Variants in CDH4 observed in about 807,000 individuals in gnomAD.
CDH4 encodes the protein cadherin-4.
CDH4 carries 33 observed loss-of-function variants against 86.0 expected under a neutral mutation model. That is an observed-to-expected ratio of 0.38 (90% CI 0.29 to 0.51). The LOEUF is 0.51. Among genes scored for constraint, CDH4 ranks in the 20% least tolerant of loss-of-function variants. The pLI, the probability that CDH4 is intolerant of heterozygous loss-of-function variation, is 0.86. For missense variants in CDH4, 1,114 were observed against 1,307.4 expected, an observed-to-expected ratio of 0.85 and a Z score of 2.28; for synonymous variants, 555 against 549.4, an observed-to-expected ratio of 1.01 and a Z score of -0.14.
At chr20:61,395,415 C>T (rs2085011216) in intron 2 of CDH4, among the ~76,000 whole-genome samples, 1 of 152,070 alleles carries the variant, frequency 6.6e-6, no homozygotes, top group Non-Finnish European at 1.5e-5. Flanking sequence ...ATATATATGG[C>T]ATTAATACGT....
Position 61,684,594 on chromosome 20 carries a change from G to GA in CDH4, c.170-58969_170-58968insA. Among the ~76,000 whole-genome samples the GA allele has an allele frequency of 6.6e-6, 1 of 152,202 alleles. No homozygotes were observed. The highest frequency in any genetic ancestry group is 2.1e-4 in the South Asian group (1 of 4,824). ...CTGGGCTCCGTCCTGGGGGCTGAAA[G>GA]GCTCCTGGGGGTTCAGTCTCTAACC... is the stretch of plus-strand genomic sequence containing the variant. On this transcript the variant is annotated intron_variant, in intron 2 of 15. Transcript: ENST00000614565. The surrounding 1 kb of genome is among the most constrained non-coding windows in gnomAD (Gnocchi z 4.5).
intron 2 of CDH4, among the ~76,000 whole-genome samples, chr20:61,489,885 G>C (rs1340809198): frequency 6.6e-6 from 1 of 152,182 alleles, no homozygotes; most frequent in East Asian, 1.9e-4. Context: ...ATTATTTGGG[G>C]ATGCTTCTGA....
chr20:61,746,618 T>A (rs2088417807), intron 3 of CDH4, among the ~76,000 whole-genome samples: 1 of 152,236 alleles, frequency 6.6e-6, no homozygotes, highest in Non-Finnish European at 1.5e-5. Flanking sequence ...ACGGCAAGGC[T>A]TCTGCGACTT....
intron 2 of CDH4, among the ~76,000 whole-genome samples, chr20:61,727,492 CT>C (rs2088130221): frequency 1.3e-5 from 2 of 152,148 alleles, no homozygotes; most frequent in African/African-American, 4.8e-5. Flanking sequence ...TATCCTTTAC[CT>C]TAGTCCACCT....
At chr20:61,627,617 G>A (rs373320145) in intron 2 of CDH4, among the ~76,000 whole-genome samples, 27 of 152,290 alleles carry the variant, frequency 1.8e-4, no homozygotes, top group African/African-American at 5.8e-4. Context: ...GGAAGCGGAC[G>A]GGCAGAGAGG....
intron 2 of CDH4, among the ~76,000 whole-genome samples, chr20:61,405,364 C>T (rs1600946945): frequency 6.6e-6 from 1 of 151,972 alleles, no homozygotes. Context: ...GGAAATCACT[C>T]ATCACCATGG....
intron 2 of CDH4, among the ~76,000 whole-genome samples, chr20:61,410,228 G>T (rs2085109853): frequency 6.6e-6 from 1 of 151,704 alleles, no homozygotes; most frequent in Non-Finnish European, 1.5e-5. Flanking sequence ...CTACCCATCT[G>T]CCCACCCATC....
chr20:61,756,353 C>T (rs1420884904), intron 3 of CDH4, among the ~76,000 whole-genome samples: 1 of 152,192 alleles, frequency 6.6e-6, no homozygotes, highest in Non-Finnish European at 1.5e-5. Context: ...AGGTGGGGCC[C>T]ACAGGCAGCT....
chr20:61,352,487 G>A (rs1193705578), intron 2 of CDH4, among the ~76,000 whole-genome samples: 3 of 152,208 alleles, frequency 2.0e-5, no homozygotes, highest in African/African-American at 7.2e-5. Context: ...GACTGCACTG[G>A]CCCCCGTGCC....
chr20:61,511,664 T>C (rs1237863300), intron 2 of CDH4, among the ~76,000 whole-genome samples: 1 of 152,196 alleles, frequency 6.6e-6, no homozygotes, highest in East Asian at 1.9e-4. Flanking sequence ...GTTTTCTAGA[T>C]GGAGAAAGAA....
rs1466980117 is a variant in CDH4 at position 61,673,280 on chromosome 20, G to A, written c.170-70283G>A. Reference sequence around the variant, plus strand: ...GCCCTAGGAGGCTCAGGACTTCGGAGCCCCTGAATCTCAGCGGCAGCTGCA... The same window carrying A: ...GCCCTAGGAGGCTCAGGACTTCGGAACCCCTGAATCTCAGCGGCAGCTGCA... On this transcript the variant is annotated intron_variant, in intron 2 of 15. Coordinates refer to ENST00000614565, the MANE Select transcript of CDH4 (RefSeq NM_001794.5). 3.9e-5 allele frequency among the ~76,000 whole-genome samples: 6 copies of A among 152,282 alleles called. No homozygotes were observed. The South Asian group carries it at 8.3e-4, about 21-fold the overall frequency.
chr20:61,672,184 TATGGATAATGG>T (rs1351942474), intron 2 of CDH4, among the ~76,000 whole-genome samples: 6 of 150,264 alleles, frequency 4.0e-5, no homozygotes, highest in Non-Finnish European at 8.9e-5. Flanking sequence ...TGGGTGGGTA[TATGGATAATGG>T]ATGGATGATG....
rs527598549 is a variant in CDH4 at position 61,686,704 on chromosome 20, C to T, written c.170-56859C>T. ...ATTTGTGTGTGCATGTGTGTATGTGCGTGTGCATTCCCGTGTGTGTGCCTT... is the reference window on the plus strand; with the variant it reads ...ATTTGTGTGTGCATGTGTGTATGTGTGTGTGCATTCCCGTGTGTGTGCCTT... On this transcript the variant is annotated intron_variant, in intron 2 of 15. Coordinates refer to ENST00000614565, the MANE Select transcript of CDH4 (RefSeq NM_001794.5). 1.2e-4 allele frequency among the ~76,000 whole-genome samples: 17 copies of T among 145,852 alleles called. No individual in the cohort carries two copies. In the South Asian group the frequency reaches 1.8e-3, roughly 15 times the overall value.
At chr20:61,356,149 C>G (rs28653060) in intron 2 of CDH4, among the ~76,000 whole-genome samples, 6,596 of 152,272 alleles carry the variant, frequency 0.043, 203 homozygotes, top group Middle Eastern at 0.075. Context: ...AGGCAATGTG[C>G]CAGTGCTTTT....
At chr20:61,505,911 A>G (rs944180205) in intron 2 of CDH4, among the ~76,000 whole-genome samples, 2 of 143,130 alleles carry the variant, frequency 1.4e-5, no homozygotes, top group Non-Finnish European at 3.2e-5. Flanking sequence ...GAAAATCTCT[A>G]TTGATGTGTT....
intron 2 of CDH4, among the ~76,000 whole-genome samples, chr20:61,540,462 C>T (rs2086031922): frequency 6.6e-6 from 1 of 152,094 alleles, no homozygotes; most frequent in African/African-American, 2.4e-5. Flanking sequence ...AATTAGCTCA[C>T]CTGTCATCAC....
chr20:61,256,767 G>A (rs1312543600), intron 2 of CDH4, among the ~76,000 whole-genome samples: 1 of 152,240 alleles, frequency 6.6e-6, no homozygotes, highest in Non-Finnish European at 1.5e-5. Context: ...ACCTGAGCAT[G>A]CTGGGTCCTC....
chr20:61,873,836 A>G lies in CDH4; in HGVS notation c.986A>G (p.Asn329Ser). The G allele has an allele frequency of 6.2e-7, 1 of 1,614,116 alleles. No individual in the cohort carries two copies. The highest frequency in any genetic ancestry group is 8.5e-7 in the Non-Finnish European group (1 of 1,180,026). ...VTQTPQSPSQ[N>S]MFTINSETGD... ...CAGACCCCACAGAGCCCGTCCCAGA[A>G]TATGTTCACCATCAACAGCGAGACT... The change falls in exon 7 of 16, where the codon AAT (asparagine) becomes AGT (serine). Residue 329 changes from asparagine (N) to serine (S), a missense_variant. Transcript: ENST00000614565.
intron 2 of CDH4, among the ~76,000 whole-genome samples, chr20:61,715,653 G>T (rs1296593080): frequency 1.1e-4 from 16 of 152,208 alleles, no homozygotes. Flanking sequence ...TGCCTCTAGG[G>T]ACAGACATAG....
Sources: allele counts gnomAD v4.1 joint callset (sites outside exome capture counted in the v4.1 genomes callset), GRCh38; gene constraint gnomAD v4.1.1; non-coding constraint Gnocchi (gnomAD v3.1); transcripts MANE v1.5; gene names NCBI Gene and HGNC (gene_info 2026-07-23, HGNC 2026-07-21).